The following SIPA1L1 variants were observed in gnomAD, a reference collection of about 807,000 sequenced individuals.
SIPA1L1 encodes the protein signal induced proliferation associated 1 like 1.
SIPA1L1 carries 26 observed loss-of-function variants against 162.7 expected under a neutral mutation model. That is an observed-to-expected ratio of 0.16 (90% confidence interval 0.12 to 0.22). The LOEUF is 0.22. Among genes scored for constraint, SIPA1L1 ranks in the 10% least tolerant of loss-of-function variants. The pLI is 1.00. For missense variants in SIPA1L1, 1,874 were observed against 2,241.0 expected, an observed-to-expected ratio of 0.84 and a Z score of 3.31; for synonymous variants, 829 against 837.4, an observed-to-expected ratio of 0.99 and a Z score of 0.17.
intron 4 of SIPA1L1, among the ~76,000 whole-genome samples, chr14:71,561,862 C>T (rs2056822869): frequency 6.6e-6 from 1 of 152,256 alleles, no homozygotes; most frequent in Non-Finnish European, 1.5e-5. Context: ...GCTGGGATTA[C>T]TGGCGTGAGC....
chr14:71,695,934 C>T (rs2081592214), intron 13 of SIPA1L1, among the ~76,000 whole-genome samples: 1 of 152,140 alleles, frequency 6.6e-6, no homozygotes, highest in Non-Finnish European at 1.5e-5. Flanking sequence ...CCTATTCATA[C>T]CCCTTTCAGA....
intron 10 of SIPA1L1, among the ~76,000 whole-genome samples, chr14:71,667,362 G>C (rs1008012355): frequency 6.6e-6 from 1 of 152,096 alleles, no homozygotes; most frequent in African/African-American, 2.4e-5. Context: ...CCTGTACTTC[G>C]CAAGTAGGAG....
intron 10 of SIPA1L1, 64 bp from the exon 11 acceptor site, chr14:71,671,055 T>G: frequency 7.6e-7 from 1 of 1,314,072 alleles, no homozygotes; most frequent in South Asian, 1.4e-5. Context: ...AGAAAGTATA[T>G]TTTATTCTGA....
chr14:71,443,338 A>G (rs758674261), intron 2 of SIPA1L1, among the ~76,000 whole-genome samples: 5 of 152,146 alleles, frequency 3.3e-5, no homozygotes, highest in African/African-American at 4.8e-5. Flanking sequence ...TATTTTTTAT[A>G]AAAGTAATTT....
At chr14:71,507,327 C>T (rs1156307600) in intron 2 of SIPA1L1, among the ~76,000 whole-genome samples, 1 of 152,052 alleles carries the variant, frequency 6.6e-6, no homozygotes, top group Non-Finnish European at 1.5e-5. Flanking sequence ...GTGTTTTTAA[C>T]ATGTAAGATG....
chr14:71,572,060 A>C (rs1055805777), intron 4 of SIPA1L1, among the ~76,000 whole-genome samples: 1 of 152,120 alleles, frequency 6.6e-6, no homozygotes, highest in African/African-American at 2.4e-5. Flanking sequence ...AAGGCGATGG[A>C]GGGCATCACA....
rs779310073 is a variant in SIPA1L1, at chr14:71,658,403, C to T, written c.2064C>T (p.Thr688=). 3.1e-6 allele frequency: 5 copies of T among 1,609,400 alleles called. No homozygotes were observed. In the South Asian group the frequency reaches 3.3e-5, roughly 11 times the overall value. ...KDYEIMFHVS[T]MLPYTPNNKQ... is the part of the protein sequence containing the mutation. Reference sequence around the variant, plus strand: ...ATGAAATTATGTTCCATGTTTCTACCATGCTGCCATACACACCCAACAACA... The same window carrying T: ...ATGAAATTATGTTCCATGTTTCTACTATGCTGCCATACACACCCAACAACA... The change falls in exon 9 of 24, where the codon ACC becomes ACT. Residue 688 remains threonine (T), a synonymous_variant. Coordinates refer to ENST00000381232, the MANE Select transcript of SIPA1L1 (RefSeq NM_001386936.1).
intron 16 of SIPA1L1, 89 bp downstream of exon 16, chr14:71,705,429 T>G: frequency 5.2e-6 from 5 of 964,314 alleles, no homozygotes; most frequent in Non-Finnish European, 8.3e-6. Context: ...TTCCTCTGCA[T>G]GGCCAAAGAG....
chr14:71,418,981 T>C (rs754424002), intron 2 of SIPA1L1, among the ~76,000 whole-genome samples: 1 of 152,186 alleles, frequency 6.6e-6, no homozygotes, highest in Non-Finnish European at 1.5e-5. Context: ...CTGCACAAAA[T>C]GGGCCAAGGT....
At chr14:71,354,023 A>G (rs2036974172) in intron 2 of SIPA1L1, among the ~76,000 whole-genome samples, 1 of 152,166 alleles carries the variant, frequency 6.6e-6, no homozygotes, top group Non-Finnish European at 1.5e-5. Context: ...GGATAAATTT[A>G]GCCTTATGAA....
At chr14:71,441,089 A>G (rs2044815943) in intron 2 of SIPA1L1, among the ~76,000 whole-genome samples, 1 of 152,234 alleles carries the variant, frequency 6.6e-6, no homozygotes, top group African/African-American at 2.4e-5. Flanking sequence ...TTAATGGATT[A>G]TAATTCTGAT....
At chr14:71,537,656 A>G (rs1260793394) in intron 4 of SIPA1L1, among the ~76,000 whole-genome samples, 1 of 151,542 alleles carries the variant, frequency 6.6e-6, no homozygotes, top group Non-Finnish European at 1.5e-5. Context: ...CGAGTGGGCT[A>G]TCTTTTTTCC....
chr14:71,696,750 AC>A (rs935445455), intron 13 of SIPA1L1, among the ~76,000 whole-genome samples: 34 of 152,360 alleles, frequency 2.2e-4, no homozygotes, highest in African/African-American at 7.5e-4. Context: ...ATCTTAATTC[AC>A]ATTAAGGGAG....
At chr14:71,322,908 C>T (rs1157666699) in intron 2 of SIPA1L1, among the ~76,000 whole-genome samples, 1 of 152,200 alleles carries the variant, frequency 6.6e-6, no homozygotes, top group Non-Finnish European at 1.5e-5. Context: ...AATTCTGGTA[C>T]AGTGAACTTT....
At chr14:71,380,345 T>C (rs1024402227) in intron 2 of SIPA1L1, among the ~76,000 whole-genome samples, 1 of 152,236 alleles carries the variant, frequency 6.6e-6, no homozygotes, top group African/African-American at 2.4e-5. Context: ...GCTCATCTCA[T>C]AACTTCTTCA....
chr14:71,569,987 AGTAACAT>A (rs2031641001), intron 4 of SIPA1L1, among the ~76,000 whole-genome samples: 1 of 152,218 alleles, frequency 6.6e-6, no homozygotes, highest in Admixed American at 6.5e-5. Flanking sequence ...GGCTATGTTA[AGTAACAT>A]TGTGGCATTT....
intron 2 of SIPA1L1, among the ~76,000 whole-genome samples, chr14:71,351,874 T>G (rs972802661): frequency 6.6e-6 from 1 of 151,922 alleles, no homozygotes; most frequent in Non-Finnish European, 1.5e-5. Context: ...TACTGGGGAC[T>G]CTGTACTCAG....
chr14:71,738,036 G>T (rs571322542), intron 22 of SIPA1L1, among the ~76,000 whole-genome samples: 2 of 152,198 alleles, frequency 1.3e-5, no homozygotes, highest in East Asian at 3.9e-4. Context: ...ATTGGCTGCA[G>T]TTCAAGCTTT....
chr14:71,374,280 C>T (rs978732582), intron 2 of SIPA1L1, among the ~76,000 whole-genome samples: 11 of 151,940 alleles, frequency 7.2e-5, no homozygotes, highest in South Asian at 2.1e-4. Flanking sequence ...TTTTATTGAA[C>T]GATTCATTCT....
Sources: allele counts gnomAD v4.1 joint callset (sites outside exome capture counted in the v4.1 genomes callset), GRCh38; gene constraint gnomAD v4.1.1; transcripts MANE v1.5; gene names NCBI Gene and HGNC (gene_info 2026-07-23, HGNC 2026-07-21).